Variants in DNMT3A observed in about 807,000 individuals in gnomAD.
DNMT3A encodes DNA (cytosine-5)-methyltransferase 3A.
In DNMT3A, 267 loss-of-function variants were observed where a neutral mutation model predicts 117.6. The ratio of observed to expected loss-of-function variants is 2.27; its 90% confidence interval spans 2.05 to 2.51. The LOEUF is 2.51. DNMT3A is among the 30% of genes most tolerant of loss of function. The pLI is 0.00. For synonymous variants in DNMT3A, 432 were observed against 474.8 expected (o/e 0.91, Z 1.17); for missense variants, 1,029 against 1,260.2 (o/e 0.82, Z 2.78).
chr2:25,247,153 ACACAC>A lies in DNMT3A; in HGVS notation c.1015_1019del (p.Val339CysfsTer2). 6.2e-7 allele frequency: 1 copy of A among 1,613,812 alleles called. No homozygotes were observed. Among genetic ancestry groups the A allele is most frequent in the Non-Finnish European group, 8.5e-7 (1 of 1,179,878 alleles). On this transcript the variant is annotated frameshift_variant and splice_region_variant, in exon 9 of 23. Coordinates refer to ENST00000321117, the MANE Select transcript of DNMT3A (RefSeq NM_022552.5). LOFTEE classifies it high-confidence loss of function. This position sits in a 1 kb window ranked among gnomAD's most constrained non-coding sequence, Gnocchi z 5.6. The stretch of plus-strand genomic sequence containing the variant: ...AGCTCAGCGGCATCAGCTTCTCAAC[ACACAC>A]CTGGGGGGACAAGCCAGGCCTTGTT...
Position 25,245,317 on chromosome 2 carries a change from CA to C in DNMT3A, c.1489del (p.Cys497ValfsTer154). The stretch of plus-strand genomic sequence containing the variant: ...TTCCAGGGTAACATTGAGGCTCCCA[CA>C]GGAGATGCAGATGTCTGGAAAGCAG... ...CRNIEDICIS[C>X]GSLNVTLEHP... On this transcript the variant is annotated frameshift_variant, in exon 13 of 23. Transcript: ENST00000321117. LOFTEE classifies it high-confidence loss of function. The C allele has an allele frequency of 6.2e-7, 1 of 1,613,856 alleles. No homozygotes were observed. Among genetic ancestry groups the C allele is most frequent in the Non-Finnish European group, 8.5e-7 (1 of 1,179,952 alleles).
Position 25,340,139 on chromosome 2 carries a change from A to T in DNMT3A, c.-178+1687T>A, listed in dbSNP as rs568227039. On this transcript the variant is annotated intron_variant, in intron 1 of 22. Coordinates refer to ENST00000321117, the MANE Select transcript of DNMT3A (RefSeq NM_022552.5). ...GCGGCCCTGGGGCTCGGCCCTGCCC[A>T]CCCTCCCGCCTGCCGCAGGCCAGAG... Among the ~76,000 whole-genome samples the T allele has an allele frequency of 4.7e-5, 7 of 149,240 alleles. No homozygotes were observed. The East Asian group carries it at 1.4e-3, about 30-fold the overall frequency.
chr2:25,322,856 G>A (rs1210097175), intron 1 of DNMT3A, among the ~76,000 whole-genome samples: 1 of 151,910 alleles, frequency 6.6e-6, no homozygotes, highest in Non-Finnish European at 1.5e-5. Flanking sequence ...CACCAAACAC[G>A]ATCCCAATAT....
At chr2:25,302,728 A>G (rs957436290) in intron 2 of DNMT3A, among the ~76,000 whole-genome samples, 1 of 152,220 alleles carries the variant, frequency 6.6e-6, no homozygotes, top group Non-Finnish European at 1.5e-5. Flanking sequence ...ACGTATTGCC[A>G]GTGCAGCTTA....
rs1464741138 is a variant in DNMT3A, at chr2:25,251,919, C to G, written c.640-3667G>C. On this transcript the variant is annotated intron_variant, in intron 6 of 22. Transcript: ENST00000321117. ...GCCCCAGCCTGCAGTTACCACTGCC[C>G]GGGCTCCCGGCCGGCTGCTCTTCCT... 3 of 480,788 alleles carry G rather than the reference C, an allele frequency of 6.2e-6. No individual in the cohort carries two copies. Among genetic ancestry groups the G allele is most frequent in the East Asian group, 7.2e-5 (2 of 27,862 alleles). The allele number at this position is 480,788 out of a possible 1,614,324, so 29.8% of individuals were successfully genotyped here. A position where few individuals can be genotyped will look rare whatever the true frequency, so the allele number is the denominator to read the frequency against.
At chr2:25,313,592 G>C (rs948722465) in intron 2 of DNMT3A, among the ~76,000 whole-genome samples, 1 of 152,226 alleles carries the variant, frequency 6.6e-6, no homozygotes, top group Non-Finnish European at 1.5e-5. Flanking sequence ...AGGCGGGTCC[G>C]AGAAGGAATC....
Position 25,241,660 on chromosome 2 carries a change from C to G in DNMT3A, c.1984G>C (p.Ala662Pro), listed in dbSNP as rs759408234. 6.2e-7 allele frequency: 1 copy of G among 1,614,154 alleles called. No individual in the cohort carries two copies. Among genetic ancestry groups the G allele is most frequent in the Non-Finnish European group, 8.5e-7 (1 of 1,180,010 alleles). ...DLGIQVDRYI[A>P]SEVCEDSITV... is the part of the protein sequence containing the mutation. Reference sequence around the variant, plus strand: ...ATGGAGTCCTCACACACCTCCGAGGCAATGTAGCGGTCCACCTGAATGCCC... The same window carrying G: ...ATGGAGTCCTCACACACCTCCGAGGGAATGTAGCGGTCCACCTGAATGCCC... The change falls in exon 17 of 23, where the codon GCC (alanine) becomes CCC (proline). Residue 662 changes from alanine (A) to proline (P), a missense_variant. Physicochemically the swap from Ala to Pro is conservative, Grantham distance 27 (BLOSUM62 -1). Coordinates refer to ENST00000321117, the MANE Select transcript of DNMT3A (RefSeq NM_022552.5).
Position 25,240,513 on chromosome 2 carries a change from G to A in DNMT3A, c.2174-63C>T, listed in dbSNP as rs771520541. 5.7e-6 allele frequency: 9 copies of A among 1,577,810 alleles called. No homozygotes were observed. In the East Asian group the frequency reaches 6.7e-5, roughly 12 times the overall value. On this transcript the variant is annotated intron_variant, in intron 18 of 22. Coordinates refer to ENST00000321117, the MANE Select transcript of DNMT3A (RefSeq NM_022552.5). Reference sequence around the variant, plus strand: ...TCTGCATAGGACAGTGGTGTGGCTCGGGCACGGGGAGGGCACGGGAAGACA... The same window carrying A: ...TCTGCATAGGACAGTGGTGTGGCTCAGGCACGGGGAGGGCACGGGAAGACA...
chr2:25,265,164 C>T (rs1558690693), intron 6 of DNMT3A, among the ~76,000 whole-genome samples: 1 of 152,202 alleles, frequency 6.6e-6, no homozygotes, highest in African/African-American at 2.4e-5. Context: ...TTCAGGACCA[C>T]ATGAGTAGAG....
Position 25,304,452 on chromosome 2 carries a change from C to T in DNMT3A, c.73-4209G>A, listed in dbSNP as rs1286760196. ...CCCACTCCATCCTCCCCATCCCCCT[C>T]TCCCTGCCTCGTGCAAATCCCAGCA... On this transcript the variant is annotated intron_variant, in intron 2 of 22. Coordinates refer to ENST00000321117, the MANE Select transcript of DNMT3A (RefSeq NM_022552.5). This position sits in a 1 kb window ranked among gnomAD's most constrained non-coding sequence, Gnocchi z 4.3. 7.2e-5 allele frequency among the ~76,000 whole-genome samples: 11 copies of T among 152,242 alleles called. No homozygotes were observed. The highest frequency in any genetic ancestry group is 2.0e-4 in the Admixed American group (3 of 15,288).
chr2:25,244,448 G>C, intron 14 of DNMT3A, 92 bp downstream of exon 14: 1 of 1,579,118 alleles, frequency 6.3e-7, no homozygotes, highest in Non-Finnish European at 8.7e-7. Flanking sequence ...AGGGGGTGGA[G>C]GGTCTGTGGG....
chr2:25,234,454 T>G lies in DNMT3A; in HGVS notation c.2598-34A>C, dbSNP rs778490081. ...GAAAAGGCAGAGAGGGCAGGGTGAG[T>G]GCTGGCCAGACCAGGCTGCCCGGAA... On this transcript the variant is annotated intron_variant, in intron 22 of 22. Transcript: ENST00000321117. The surrounding 1 kb of genome is among the most constrained non-coding windows in gnomAD (Gnocchi z 4.5). 1 of 1,595,134 alleles carries G rather than the reference T, an allele frequency of 6.3e-7. No homozygotes were observed. Among genetic ancestry groups the G allele is most frequent in the African/African-American group, 1.3e-5 (1 of 74,592 alleles).
rs746158223 is a variant in DNMT3A at position 25,247,556 on chromosome 2, C to T, written c.1014+35G>A. On this transcript the variant is annotated intron_variant, in intron 8 of 22. Transcript: ENST00000321117. The surrounding 1 kb of genome is among the most constrained non-coding windows in gnomAD (Gnocchi z 5.6). ...CAGGCCCTGGGATCAAGAACCTTCC[C>T]CCACCCCAGGCTACTGCCAAACCCC... 3.4e-5 allele frequency: 55 copies of T among 1,604,790 alleles called. 2 individuals carry two copies. In the South Asian group the frequency reaches 6.1e-4, roughly 18 times the overall value.
In DNMT3A at chr2:25,244,567, A is replaced by G. The variant is rs111848085; in HGVS notation, c.1640T>C (p.Leu547Pro). ...GCAGCAGTTGTTGTTTCCGCACATG[A>G]GCACCTCACGGCCCCCACAGCAGAT... is the stretch of plus-strand genomic sequence containing the variant. ...CTICCGGREV[L>P]MCGNNNCCRC... Residue 547 changes from leucine to proline, a missense_variant, in exon 14 of 23, where the codon CTC becomes CCC. Coordinates refer to ENST00000321117, the MANE Select transcript of DNMT3A (RefSeq NM_022552.5). 1 of 1,614,086 alleles carries G rather than the reference A, an allele frequency of 6.2e-7. No homozygotes were observed. The highest frequency in any genetic ancestry group is 8.5e-7 in the Non-Finnish European group (1 of 1,179,994).
At chr2:25,244,072 C>T (rs978249958) in intron 15 of DNMT3A, 83 bp downstream of exon 15, 1 of 1,595,538 alleles carries the variant, frequency 6.3e-7, no homozygotes, top group Non-Finnish European at 8.5e-7. Context: ...CTCCTAGACC[C>T]ACACACCCTG....
rs759818409 is a variant in DNMT3A at position 25,244,195 on chromosome 2, C to T, written c.1811G>A (p.Arg604Gln). Residue 604 changes from arginine to glutamine, a missense_variant, in exon 15 of 23, where the codon CGG (arginine) becomes CAG (glutamine). Physicochemically the swap from Arg to Gln is conservative, Grantham distance 43. Coordinates refer to ENST00000321117, the MANE Select transcript of DNMT3A (RefSeq NM_022552.5). Reference sequence around the variant, plus strand: ...GTTATTAGCGAAGAACATCTGGAGCCGGGAGGGCCAGTCCTCTCGCCGCCG... The same window carrying T: ...GTTATTAGCGAAGAACATCTGGAGCTGGGAGGGCCAGTCCTCTCGCCGCCG... ...LLRRREDWPS[R>Q]LQMFFANNHD... is the part of the protein sequence containing the mutation. 3 of 1,613,924 alleles carry T rather than the reference C, an allele frequency of 1.9e-6. No individual in the cohort carries two copies. Among genetic ancestry groups the T allele is most frequent in the Admixed American group, 1.7e-5 (1 of 60,026 alleles).
At chr2:25,256,966 C>A (rs900630728) in intron 6 of DNMT3A, among the ~76,000 whole-genome samples, 2 of 152,174 alleles carry the variant, frequency 1.3e-5, no homozygotes, top group Non-Finnish European at 2.9e-5. Flanking sequence ...GTCTCAGGAA[C>A]CTTATCCCAA....
At chr2:25,288,392 T>C (rs1300916731) in intron 3 of DNMT3A, among the ~76,000 whole-genome samples, 1 of 149,066 alleles carries the variant, frequency 6.7e-6, no homozygotes, top group East Asian at 2.0e-4. Context: ...GATCGCTCAC[T>C]TTTTTTTTTG....
chr2:25,236,724 TGG>T lies in DNMT3A; in HGVS notation c.2478+210_2478+211del, dbSNP rs1183260373. ...ACTCCTCAGTGTCTACCGGGGGTGA[TGG>T]GCGACACTCACCAGGGAGGAAGGGC... On this transcript the variant is annotated intron_variant, in intron 21 of 22. Transcript: ENST00000321117. The surrounding 1 kb of genome is among the most constrained non-coding windows in gnomAD (Gnocchi z 4.5). Among the ~76,000 whole-genome samples, 1 of 152,156 alleles carries T rather than the reference TGG, an allele frequency of 6.6e-6. No individual in the cohort carries two copies. The highest frequency in any genetic ancestry group is 6.5e-5 in the Admixed American group (1 of 15,276).
Sources: gnomAD v4.1 joint callset for allele counts (sites outside exome capture counted in the v4.1 genomes callset) on GRCh38, gnomAD v4.1.1 for gene constraint, Gnocchi (gnomAD v3.1) non-coding constraint, MANE v1.5 for transcripts, NCBI Gene and HGNC (gene_info 2026-07-23, HGNC 2026-07-21) for gene names.